Variants in LRP1B observed in about 807,000 individuals in gnomAD.
LRP1B encodes low-density lipoprotein receptor-related protein 1B.
A neutral mutation model predicts 556.6 loss-of-function variants in LRP1B; 217 were observed. The observed-to-expected ratio is 0.39, with a 90% CI of 0.35 to 0.44. The LOEUF (loss-of-function observed/expected upper bound fraction) is 0.44. LRP1B is among the 20% of genes least tolerant of loss of function. The pLI is 1.00. For synonymous variants in LRP1B, 2,047 were observed against 1,865.8 expected, an observed-to-expected ratio of 1.10 and a Z score of -2.50; for missense variants, 5,053 against 5,620.8, an observed-to-expected ratio of 0.90 and a Z score of 3.23.
At chr2:141,148,166 TG>T (rs1163611945) in intron 7 of LRP1B, among the ~76,000 whole-genome samples, 1 of 152,160 alleles carries the variant, frequency 6.6e-6, no homozygotes, top group East Asian at 1.9e-4. Flanking sequence ...TAGTAACAGT[TG>T]TGAATTGGGC....
At chr2:141,409,243 G>A (rs1039521029) in intron 3 of LRP1B, among the ~76,000 whole-genome samples, 6 of 151,984 alleles carry the variant, frequency 3.9e-5, no homozygotes, top group East Asian at 1.9e-4. Context: ...ATGTTTATTC[G>A]GTGACAGTAT....
chr2:140,607,252 G>T (rs503742), intron 41 of LRP1B, among the ~76,000 whole-genome samples: 13,173 of 151,982 alleles, frequency 0.087, 862 homozygotes, highest in African/African-American at 0.18. Flanking sequence ...TCATTATGAC[G>T]ACTGCAACAG....
rs755018794 is a variant in LRP1B at position 140,813,688 on chromosome 2, T to C, written c.5328A>G (p.Glu1776=). 17 of 1,613,566 alleles carry C rather than the reference T, an allele frequency of 1.1e-5. No homozygotes were observed. The Admixed American group carries it at 2.8e-4, about 27-fold the overall frequency. ...TGGTTAGGGCTGTAGCTTTTGTTAA[T>C]TCTTCTTTCATTGACTCGATTACTT... is the stretch of plus-strand genomic sequence containing the variant. The part of the protein sequence containing the change: ...NLEVIESMKE[E]LTKATALTIM... The change falls in exon 32 of 91, where the codon GAA becomes GAG. Residue 1776 remains glutamate (E), a synonymous_variant. Coordinates refer to ENST00000389484, the MANE Select transcript of LRP1B (RefSeq NM_018557.3).
chr2:140,384,458 C>G (rs142989614), intron 67 of LRP1B, among the ~76,000 whole-genome samples: 2 of 152,242 alleles, frequency 1.3e-5, no homozygotes, highest in East Asian at 1.9e-4. Context: ...TTAAAGAAAT[C>G]TAAAACTCTA....
At chr2:140,439,444 A>G (rs1686330687) in intron 66 of LRP1B, among the ~76,000 whole-genome samples, 1 of 152,194 alleles carries the variant, frequency 6.6e-6, no homozygotes, top group African/African-American at 2.4e-5. Context: ...TTAACAACTC[A>G]CAAAATGAAT....
At chr2:140,439,114 C>A (rs1019726927) in intron 66 of LRP1B, among the ~76,000 whole-genome samples, 2 of 152,132 alleles carry the variant, frequency 1.3e-5, no homozygotes, top group Non-Finnish European at 2.9e-5. Flanking sequence ...CTAGCACAGT[C>A]TGTCAAATTC....
chr2:141,013,988 T>C (rs1375621569), intron 13 of LRP1B, among the ~76,000 whole-genome samples: 1 of 152,098 alleles, frequency 6.6e-6, no homozygotes, highest in Admixed American at 6.6e-5. Context: ...AAACCATCTA[T>C]TTTATCAATG....
chr2:141,950,680 T>G (rs1229341145), intron 1 of LRP1B, among the ~76,000 whole-genome samples: 1 of 152,162 alleles, frequency 6.6e-6, no homozygotes, highest in African/African-American at 2.4e-5. Flanking sequence ...GTCATCCTTC[T>G]TCTATCATGG....
chr2:141,427,309 A>G (rs1680406223), intron 3 of LRP1B, among the ~76,000 whole-genome samples: 2 of 152,236 alleles, frequency 1.3e-5, no homozygotes, highest in South Asian at 4.1e-4. Context: ...GGTATTATAC[A>G]ATAATGAGAA....
At chr2:141,017,755 G>A (rs1052669542) in intron 12 of LRP1B, among the ~76,000 whole-genome samples, 2 of 151,778 alleles carry the variant, frequency 1.3e-5, no homozygotes, top group African/African-American at 4.8e-5. Flanking sequence ...AGCACTTTGG[G>A]AGGCTGAGGC....
At chr2:141,704,650 C>T (rs1692071959) in intron 2 of LRP1B, among the ~76,000 whole-genome samples, 1 of 151,892 alleles carries the variant, frequency 6.6e-6, no homozygotes, top group South Asian at 2.1e-4. Context: ...TAAAAATAAG[C>T]TTAGCAGTCA....
intron 2 of LRP1B, among the ~76,000 whole-genome samples, chr2:141,634,641 A>G (rs1041722484): frequency 1.3e-5 from 2 of 152,164 alleles, no homozygotes; most frequent in African/African-American, 4.8e-5. Flanking sequence ...ATTGTAAAGC[A>G]TATATCCACT....
At chr2:141,251,379 TA>T (rs1684253590) in intron 4 of LRP1B, among the ~76,000 whole-genome samples, 1 of 152,058 alleles carries the variant, frequency 6.6e-6, no homozygotes, top group African/African-American at 2.4e-5. Context: ...ATTGGGAAAG[TA>T]AATGTAGTTG....
At chr2:141,231,513 A>G (rs1246785460) in intron 5 of LRP1B, among the ~76,000 whole-genome samples, 1 of 152,150 alleles carries the variant, frequency 6.6e-6, no homozygotes, top group Admixed American at 6.5e-5. Context: ...ACACACAGAG[A>G]TGGTCCAGTG....
At chr2:140,487,067 A>C (rs983517646) in intron 58 of LRP1B, among the ~76,000 whole-genome samples, 2 of 151,912 alleles carry the variant, frequency 1.3e-5, no homozygotes, top group East Asian at 3.8e-4. Flanking sequence ...ATAACAAAAG[A>C]TGGTACCAAG....
chr2:142,077,599 T>C (rs1705553677), intron 1 of LRP1B, among the ~76,000 whole-genome samples: 1 of 152,124 alleles, frequency 6.6e-6, no homozygotes. Context: ...CTGTTTGGAT[T>C]TATATATAAG....
intron 31 of LRP1B, among the ~76,000 whole-genome samples, chr2:140,829,232 G>A (rs956082584): frequency 3.3e-5 from 5 of 152,080 alleles, no homozygotes; most frequent in African/African-American, 7.2e-5. Flanking sequence ...CATTGAGATG[G>A]AAAATCAACC....
intron 1 of LRP1B, among the ~76,000 whole-genome samples, chr2:141,961,916 T>C (rs1019050504): frequency 6.6e-6 from 1 of 151,774 alleles, no homozygotes; most frequent in African/African-American, 2.4e-5. Flanking sequence ...GCTTTACTAT[T>C]GTGTTTACGA....
At chr2:141,858,483 A>C (rs1413623585) in intron 1 of LRP1B, among the ~76,000 whole-genome samples, 4 of 152,328 alleles carry the variant, frequency 2.6e-5, no homozygotes, top group East Asian at 3.9e-4. Context: ...ATACATAAAA[A>C]TAGATCCAGA....
Sources: allele counts gnomAD v4.1 joint callset (sites outside exome capture counted in the v4.1 genomes callset), GRCh38; gene constraint gnomAD v4.1.1; transcripts MANE v1.5; gene names NCBI Gene and HGNC (gene_info 2026-07-23, HGNC 2026-07-21).